DOT1L: variants seen among roughly 807,000 people sequenced by gnomAD.
DOT1L encodes the protein DOT1 like histone lysine methyltransferase, also known as histone-lysine N-methyltransferase, H3 lysine-79 specific.
In DOT1L, 33 loss-of-function variants were observed where a neutral mutation model predicts 153.3. The ratio of observed to expected loss-of-function variants is 0.22; its 90% CI spans 0.16 to 0.29. The LOEUF is 0.29. DOT1L is among the 10% of genes least tolerant of loss of function. The pLI, the probability that DOT1L is intolerant of heterozygous loss-of-function variation, is 1.00. For missense variants in DOT1L, 1,847 were observed against 2,119.9 expected, an observed-to-expected ratio of 0.87 and a Z score of 2.53; for synonymous variants, 1,135 against 965.1, an observed-to-expected ratio of 1.18 and a Z score of -3.26.
Position 2,197,316 on chromosome 19 carries a change from G to A in DOT1L, c.652-2568G>A, listed in dbSNP as rs1221727912. Among the ~76,000 whole-genome samples, 2 of 152,212 alleles carry A rather than the reference G, an allele frequency of 1.3e-5. No individual in the cohort carries two copies. Among genetic ancestry groups the A allele is most frequent in the Non-Finnish European group, 2.9e-5 (2 of 68,030 alleles). On this transcript the variant is annotated intron_variant, in intron 7 of 27. Transcript: ENST00000398665. This position sits in a 1 kb window ranked among gnomAD's most constrained non-coding sequence, Gnocchi z 4.1. ...TTCTGGGTCCACTTGCACTCTGGCC[G>A]GAAGTTCCCACATGGGTTCCTGGCT...
intron 19 of DOT1L, among the ~76,000 whole-genome samples, chr19:2,215,194 A>AG (rs1384339633): frequency 6.6e-6 from 1 of 152,086 alleles, no homozygotes; most frequent in Non-Finnish European, 1.5e-5. Context: ...TGAGCCCGGG[A>AG]GGTGGAGGCT....
intron 3 of DOT1L, among the ~76,000 whole-genome samples, chr19:2,187,797 C>T (rs2022592945): frequency 6.6e-6 from 1 of 152,054 alleles, no homozygotes; most frequent in East Asian, 1.9e-4. Flanking sequence ...TGGCGGGTGC[C>T]TGTAGTCCCA....
intron 16 of DOT1L, chr19:2,213,334 T>G: frequency 1.9e-6 from 1 of 526,636 alleles, no homozygotes; most frequent in South Asian, 2.4e-5. Flanking sequence ...TGGCGAGAGT[T>G]CTTTGCAGTG....
At chr19:2,198,492 G>A (rs905222741) in intron 7 of DOT1L, among the ~76,000 whole-genome samples, 1 of 152,130 alleles carries the variant, frequency 6.6e-6, no homozygotes, top group Non-Finnish European at 1.5e-5. Flanking sequence ...CTCCGGGCCC[G>A]GGGGGGTGTC....
rs777622449 is a variant in DOT1L at position 2,204,644 on chromosome 19, G to C, written c.787+1865G>C. Reference sequence around the variant, plus strand: ...TCAGGGTACTGCAGTGGCGTCTTCTGTCCGGCCCCTCCCTGTTTTGAACAT... The same window carrying C: ...TCAGGGTACTGCAGTGGCGTCTTCTCTCCGGCCCCTCCCTGTTTTGAACAT... On this transcript the variant is annotated intron_variant, in intron 9 of 27. Coordinates refer to ENST00000398665, the MANE Select transcript of DOT1L (RefSeq NM_032482.3). The surrounding 1 kb of genome is among the most constrained non-coding windows in gnomAD (Gnocchi z 5.7). Among the ~76,000 whole-genome samples the C allele has an allele frequency of 1.1e-4, 17 of 152,324 alleles. No homozygotes were observed. The highest frequency in any genetic ancestry group is 1.9e-4 in the Non-Finnish European group (13 of 68,038).
rs1010504645 is a variant in DOT1L, at chr19:2,222,639, G to T, written c.3390+80G>T. The T allele has an allele frequency of 3.7e-6, 5 of 1,358,504 alleles. No homozygotes were observed. Among genetic ancestry groups the T allele is most frequent in the Non-Finnish European group, 4.9e-6 (5 of 1,024,760 alleles). The allele number at this position is 1,358,504 out of a possible 1,614,324, so 84.2% of individuals were successfully genotyped here. On this transcript the variant is annotated intron_variant, in intron 24 of 27. Coordinates refer to ENST00000398665, the MANE Select transcript of DOT1L (RefSeq NM_032482.3). This position sits in a 1 kb window ranked among gnomAD's most constrained non-coding sequence, Gnocchi z 6.5. ...AGGGAGACCGGGCGCGGTGGCTCAC[G>T]CCTGTAATCCCAGCATTTTGGGAGG...
At chr19:2,229,240 AG>A (rs2024497618) in intron 27 of DOT1L, 13 of 985,416 alleles carry the variant, frequency 1.3e-5, no homozygotes, top group Non-Finnish European at 1.2e-5. Flanking sequence ...CTGACCCCTG[AG>A]GGCAGTTGGC....
intron 1 of DOT1L, among the ~76,000 whole-genome samples, chr19:2,174,655 G>A (rs1462607459): frequency 6.6e-6 from 1 of 151,992 alleles, no homozygotes; most frequent in South Asian, 2.1e-4. Context: ...GGGTCTTGCT[G>A]TTCACCCAGG....
At position 2,222,028 on chromosome 19, in the gene DOT1L, G is replaced by A. The variant is rs757484163; in HGVS notation, c.2859G>A (p.Pro953=). The A allele has an allele frequency of 1.4e-5, 23 of 1,612,258 alleles. No individual in the cohort carries two copies. The highest frequency in any genetic ancestry group is 4.5e-5 in the East Asian group (2 of 44,872). The part of the protein sequence containing the change: ...VAISGALAGS[P]ASLTPGAEPA... ...TCAGCGGGGCCTTGGCGGGCAGCCCGGCCTCTCTCACACCTGGAGCCGAGC... is the reference window on the plus strand; with the variant it reads ...TCAGCGGGGCCTTGGCGGGCAGCCCAGCCTCTCTCACACCTGGAGCCGAGC... Residue 953 remains proline (P), a synonymous_variant, in exon 24 of 28, where the codon CCG becomes CCA. Transcript: ENST00000398665. The surrounding 1 kb of genome is among the most constrained non-coding windows in gnomAD (Gnocchi z 6.5).
In DOT1L at chr19:2,226,666, AG is replaced by A; in HGVS notation, c.4148del (p.Gly1383AlafsTer24). 6.3e-7 allele frequency: 1 copy of A among 1,579,146 alleles called. No individual in the cohort carries two copies. Reference protein sequence around the residue: ...QLDGLAGLKGEGSRGKEAGEG... With the variant: ...QLDGLAGLKGXGSRGKEAGEG... ...GACGGCCTGGCTGGGCTGAAGGGCG[AG>A]GGCAGCCGCGGCAAGGAGGCAGGGG... On this transcript the variant is annotated frameshift_variant, in exon 27 of 28. Transcript: ENST00000398665. LOFTEE classifies it high-confidence loss of function.
At position 2,226,208 on chromosome 19, in the gene DOT1L, C is replaced by G. The variant is rs370280861; in HGVS notation, c.3687C>G (p.Pro1229=). ...GTGGTGGCTTGGCGGGAAGGAAGCC[C>G]GCGCCCGCCGGCGAGCCAGTCAATA... ...ENGGGLAGRK[P]APAGEPVNSS... is the part of the protein sequence containing the mutation. The change falls in exon 27 of 28, where the codon CCC becomes CCG. Residue 1229 remains proline (P), a synonymous_variant. Transcript: ENST00000398665. 6.6e-7 allele frequency: 1 copy of G among 1,523,532 alleles called. No homozygotes were observed. Among genetic ancestry groups the G allele is most frequent in the Non-Finnish European group, 8.8e-7 (1 of 1,133,578 alleles). 94.4% of individuals were successfully genotyped at this position (1,523,532 alleles called of 1,614,324 possible).
chr19:2,193,473 G>A lies in DOT1L; in HGVS notation c.494-216G>A, dbSNP rs1390327197. Among the ~76,000 whole-genome samples, 1 of 152,170 alleles carries A rather than the reference G, an allele frequency of 6.6e-6. No individual in the cohort carries two copies. Among genetic ancestry groups the A allele is most frequent in the Non-Finnish European group, 1.5e-5 (1 of 68,020 alleles). On this transcript the variant is annotated intron_variant, in intron 5 of 27. Coordinates refer to ENST00000398665, the MANE Select transcript of DOT1L (RefSeq NM_032482.3). The surrounding 1 kb of genome is among the most constrained non-coding windows in gnomAD (Gnocchi z 5.9). ...ACCAAGTGATGTCCATGGATGACGC[G>A]TTGTGATGACCGTCCCCTCGTGGGG...
chr19:2,210,876 G>A (rs773286594), intron 14 of DOT1L, 21 bp downstream of exon 14: 62 of 1,609,448 alleles, frequency 3.9e-5, no homozygotes, highest in Middle Eastern at 1.7e-4. Context: ...CCCACGCCAC[G>A]GCCCCCGCTC....
chr19:2,182,913 G>GGAGCT (rs2144706606), intron 2 of DOT1L, among the ~76,000 whole-genome samples: 1 of 152,290 alleles, frequency 6.6e-6, no homozygotes, highest in South Asian at 2.1e-4. Flanking sequence ...CTTAAGCGTT[G>GGAGCT]TAGGGAGCAG....
intron 1 of DOT1L, among the ~76,000 whole-genome samples, chr19:2,170,209 C>T (rs540472071): frequency 6.6e-6 from 1 of 152,308 alleles, no homozygotes; most frequent in East Asian, 1.9e-4. Context: ...GGCTGCAAAT[C>T]ACTCTTGGTG....
At chr19:2,168,190 G>A (rs779536201) in intron 1 of DOT1L, among the ~76,000 whole-genome samples, 7 of 152,110 alleles carry the variant, frequency 4.6e-5, no homozygotes, top group Non-Finnish European at 7.4e-5. Flanking sequence ...AAGACAGGCC[G>A]GGCACAGGGG....
chr19:2,203,685 A>G (rs1244650774), intron 9 of DOT1L, among the ~76,000 whole-genome samples: 1 of 152,158 alleles, frequency 6.6e-6, no homozygotes, highest in East Asian at 1.9e-4. Flanking sequence ...TGGTACCCAG[A>G]CCACACTCTG....
intron 2 of DOT1L, among the ~76,000 whole-genome samples, chr19:2,182,797 G>A (rs1003987634): frequency 4.6e-5 from 7 of 152,168 alleles, no homozygotes; most frequent in African/African-American, 7.2e-5. Context: ...AGGCAGTGGC[G>A]GTGAGAGTGC....
chr19:2,179,553 A>T (rs1200046763), intron 1 of DOT1L, among the ~76,000 whole-genome samples: 5 of 152,164 alleles, frequency 3.3e-5, no homozygotes, highest in Admixed American at 3.3e-4. Context: ...CAGGCCTGTA[A>T]TCCCAATACT....
Sources: allele counts gnomAD v4.1 joint callset (sites outside exome capture counted in the v4.1 genomes callset), GRCh38; gene constraint gnomAD v4.1.1; non-coding constraint Gnocchi (gnomAD v3.1); transcripts MANE v1.5; gene names NCBI Gene and HGNC (gene_info 2026-07-23, HGNC 2026-07-21).